The following SH3D21 variants were observed in gnomAD, a reference collection of about 807,000 sequenced individuals.
SH3D21 encodes the protein manchette microtubule inner protein 1, also known as SH3 domain-containing protein 21.
Under a neutral mutation model 82.1 loss-of-function variants are expected in SH3D21, and 83 were observed. That is an observed-to-expected ratio of 1.01 (90% CI 0.85 to 1.21). The LOEUF (loss-of-function observed/expected upper bound fraction) is 1.21. Among genes scored for constraint, SH3D21 ranks in the 50% most tolerant of loss-of-function variants. The pLI is 0.00. For synonymous variants in SH3D21, 383 were observed against 387.8 expected (o/e 0.99, Z 0.15); for missense variants, 980 against 962.1 (o/e 1.02, Z -0.25).
In SH3D21 at chr1:36,320,463, T is replaced by C. The variant is rs1646430349; in HGVS notation, c.1800T>C (p.Pro600=). Residue 600 remains proline (P), a synonymous_variant, in exon 14 of 16, where the codon CCT becomes CCC. Transcript: ENST00000453908. ...EEAPSNDERT[P]EEEAPPNEQR... ...CACCTTCCAATGACGAGAGGACCCC[T>C]GAAGAGGAGGCGCCCCCCAACGAGC... 1 of 1,613,416 alleles carries C rather than the reference T, an allele frequency of 6.2e-7. No individual in the cohort carries two copies. Among genetic ancestry groups the C allele is most frequent in the African/African-American group, 1.3e-5 (1 of 74,768 alleles).
chr1:36,317,527 C>T (rs952866055), intron 10 of SH3D21, among the ~76,000 whole-genome samples: 1 of 151,972 alleles, frequency 6.6e-6, no homozygotes, highest in African/African-American at 2.4e-5. Flanking sequence ...CTCTGGCCAC[C>T]CCATTTAAAA....
chr1:36,309,694 A>C (rs1478599394), intron 10 of SH3D21, 104 bp downstream of exon 10: 1 of 1,285,774 alleles, frequency 7.8e-7, no homozygotes, highest in African/African-American at 1.5e-5. Context: ...GTATGCCCCT[A>C]TAGGAGCCCC....
Position 36,307,907 on chromosome 1 carries a change from T to TC in SH3D21, c.493-6dup. 1 of 1,551,574 alleles carries TC rather than the reference T, an allele frequency of 6.4e-7. No individual in the cohort carries two copies. The stretch of plus-strand genomic sequence containing the variant: ...GCTCATCTAGTTCCTCCCTGCCCCT[T>TC]CCCCCACTAGCTGAGCAGCCTGGCC... On this transcript the variant is annotated splice_polypyrimidine_tract_variant and intron_variant, in intron 6 of 15. Coordinates refer to ENST00000453908, the MANE Select transcript of SH3D21 (RefSeq NM_001162530.2). The surrounding 1 kb of genome is among the most constrained non-coding windows in gnomAD (Gnocchi z 5.4).
downstream of SH3D21, chr1:36,323,350 A>G (rs966190674): frequency 3.1e-6 from 1 of 318,972 alleles, no homozygotes; most frequent in African/African-American, 2.2e-5. Flanking sequence ...GATGGAGGAT[A>G]GGGACGCTGA....
At position 36,319,992 on chromosome 1, in the gene SH3D21, AC is replaced by A. The variant is rs1646418182; in HGVS notation, c.1332del (p.Ser445ProfsTer15). On this transcript the variant is annotated frameshift_variant, in exon 14 of 16. Coordinates refer to ENST00000453908, the MANE Select transcript of SH3D21 (RefSeq NM_001162530.2). LOFTEE classifies it high-confidence loss of function. ...IPEETLTVDKPSTPERVFSVE... is the reference protein window; with the variant it reads ...IPEETLTVDKXSTPERVFSVE... ...CAGAGGAGACCCTGACTGTGGACAA[AC>A]CCTCCACTCCAGAGAGGGTCTTTTC... 1 of 1,613,620 alleles carries A rather than the reference AC, an allele frequency of 6.2e-7. No homozygotes were observed. The highest frequency in any genetic ancestry group is 1.3e-5 in the African/African-American group (1 of 74,792).
At position 36,306,967 on chromosome 1, in the gene SH3D21, C is replaced by A; in HGVS notation, c.226+62C>A. On this transcript the variant is annotated intron_variant, in intron 3 of 15. Coordinates refer to ENST00000453908, the MANE Select transcript of SH3D21 (RefSeq NM_001162530.2). The surrounding 1 kb of genome is among the most constrained non-coding windows in gnomAD (Gnocchi z 4.5). ...GTGCACGGAGCCAGTGCGACCCCGG[C>A]GTCTCCGGCTCTTAGTGACGGGCGC... 7.4e-7 allele frequency: 1 copy of A among 1,351,466 alleles called. No homozygotes were observed. Among genetic ancestry groups the A allele is most frequent in the South Asian group, 1.5e-5 (1 of 67,994 alleles). 83.7% of individuals were successfully genotyped at this position (1,351,466 alleles called of 1,614,324 possible).
intron 12 of SH3D21, 51 bp downstream of exon 12, chr1:36,319,363 G>A (rs998071933): frequency 6.4e-7 from 1 of 1,550,874 alleles, no homozygotes; most frequent in Admixed American, 2.0e-5. Flanking sequence ...CAGGGATGGG[G>A]TGGCTGTGCG....
At chr1:36,322,943 C>T (rs1338484230), downstream of SH3D21, 8 of 1,605,668 alleles carry the variant, frequency 5.0e-6, no homozygotes, top group Non-Finnish European at 6.8e-6. Flanking sequence ...AGGGTTCAGG[C>T]CCCCAGTCTT....
chr1:36,312,772 G>A (rs551064893), intron 10 of SH3D21, among the ~76,000 whole-genome samples: 71 of 152,156 alleles, frequency 4.7e-4, no homozygotes, highest in African/African-American at 8.2e-4. Context: ...GTGCAGTGGC[G>A]CGATCTCAGC....
chr1:36,321,515 G>A, downstream of SH3D21: 1 of 791,804 alleles, frequency 1.3e-6, no homozygotes, highest in Non-Finnish European at 1.6e-6. This position sits in a 1 kb window ranked among gnomAD's most constrained non-coding sequence, Gnocchi z 6.1. Context: ...GTGCGCCGGG[G>A]AGGAGCCGGG....
At position 36,306,511 on chromosome 1, in the gene SH3D21, TAC is replaced by T. The variant is rs1646122704; in HGVS notation, c.5-86_5-85del. On this transcript the variant is annotated intron_variant, in intron 1 of 15. Transcript: ENST00000453908. The surrounding 1 kb of genome is among the most constrained non-coding windows in gnomAD (Gnocchi z 4.5). ...CCACCCCCCGACCCCCGCTGCCCTC[TAC>T]GGTGCTTGGGGACACGCCCGCCCTA... is the stretch of plus-strand genomic sequence containing the variant. 3 of 1,304,196 alleles carry T rather than the reference TAC, an allele frequency of 2.3e-6. No individual in the cohort carries two copies. The highest frequency in any genetic ancestry group is 4.6e-5 in the Admixed American group (2 of 43,536). 80.8% of individuals were successfully genotyped at this position (1,304,196 alleles called of 1,614,324 possible).
At chr1:36,313,139 A>G (rs1345281510) in intron 10 of SH3D21, among the ~76,000 whole-genome samples, 1 of 151,926 alleles carries the variant, frequency 6.6e-6, no homozygotes, top group East Asian at 2.0e-4. Flanking sequence ...CTTGGCTAAC[A>G]CGGTGAAACC....
chr1:36,308,063 T>C lies in SH3D21; in HGVS notation c.539-46T>C, dbSNP rs752249530. 4 of 1,546,676 alleles carry C rather than the reference T, an allele frequency of 2.6e-6. No individual in the cohort carries two copies. In the East Asian group the frequency reaches 7.3e-5, roughly 28 times the overall value. On this transcript the variant is annotated intron_variant, in intron 7 of 15. Coordinates refer to ENST00000453908, the MANE Select transcript of SH3D21 (RefSeq NM_001162530.2). Reference sequence around the variant, plus strand: ...GATGGAGGTGGGGGCTGCTGATGGATGGGGGAGGCTTGGCTTCAGAGGACA... The same window carrying C: ...GATGGAGGTGGGGGCTGCTGATGGACGGGGGAGGCTTGGCTTCAGAGGACA...
At chr1:36,329,516 G>A (rs956266701), downstream of SH3D21, among the ~76,000 whole-genome samples, 1 of 152,120 alleles carries the variant, frequency 6.6e-6, no homozygotes, top group African/African-American at 2.4e-5. Flanking sequence ...TTCCTTCCAG[G>A]GCTGTCTGGA....
At position 36,307,092 on chromosome 1, in the gene SH3D21, G is replaced by C. The variant is rs1044086721; in HGVS notation, c.227-75G>C. 12 of 1,538,658 alleles carry C rather than the reference G, an allele frequency of 7.8e-6. No homozygotes were observed. The highest frequency in any genetic ancestry group is 2.0e-5 in the Admixed American group (1 of 50,212). ...GGGCTGGAGGGACCAAAGGCTACGT[G>C]CGCGCCTTGCGCTTCCCCCAGCTCC... On this transcript the variant is annotated intron_variant, in intron 3 of 15. Transcript: ENST00000453908. This position sits in a 1 kb window ranked among gnomAD's most constrained non-coding sequence, Gnocchi z 5.4.
At chr1:36,322,393 C>T (rs1646479350), downstream of SH3D21, 8 of 1,598,014 alleles carry the variant, frequency 5.0e-6, no homozygotes, top group Non-Finnish European at 6.8e-6. Flanking sequence ...CGCCAGATCT[C>T]CCGCAGGATC....
chr1:36,320,042 AAGCCCCAC>A lies in SH3D21; in HGVS notation c.1380_1387del (p.Glu460AspfsTer4). On this transcript the variant is annotated frameshift_variant, in exon 14 of 16. Coordinates refer to ENST00000453908, the MANE Select transcript of SH3D21 (RefSeq NM_001162530.2). LOFTEE classifies it high-confidence loss of function. Reference sequence around the variant, plus strand: ...TCAGTGGAAGAGTCCCCTGCCCTAGAAGCCCCACCTATGGATAAAGTCCCTAATCCAAA... The same window carrying A: ...TCAGTGGAAGAGTCCCCTGCCCTAGACTATGGATAAAGTCCCTAATCCAAA... 1 of 1,614,060 alleles carries A rather than the reference AAGCCCCAC, an allele frequency of 6.2e-7. No homozygotes were observed. Among genetic ancestry groups the A allele is most frequent in the Non-Finnish European group, 8.5e-7 (1 of 1,180,010 alleles).
chr1:36,321,364 G>A, downstream of SH3D21: 1 of 1,393,834 alleles, frequency 7.2e-7, no homozygotes. The surrounding 1 kb of genome is among the most constrained non-coding windows in gnomAD (Gnocchi z 6.1). Context: ...CCTGCGCGCG[G>A]CTATTTTTAT....
chr1:36,316,763 CTT>C (rs34474512), intron 10 of SH3D21, among the ~76,000 whole-genome samples: 12,301 of 135,558 alleles, frequency 0.091, 670 homozygotes, highest in Middle Eastern at 0.25. Flanking sequence ...AGTTCTCTCT[CTT>C]TTTTTTTTTT....
Sources: gnomAD v4.1 joint callset for allele counts (sites outside exome capture counted in the v4.1 genomes callset) on GRCh38, gnomAD v4.1.1 for gene constraint, Gnocchi (gnomAD v3.1) non-coding constraint, MANE v1.5 for transcripts, NCBI Gene and HGNC (gene_info 2026-07-23, HGNC 2026-07-21) for gene names.